CTIF: variants seen among roughly 807,000 people sequenced by gnomAD.
CTIF encodes the protein cap binding complex dependent translation initiation factor, also known as CBP80/20-dependent translation initiation factor.
Under a neutral mutation model 66.0 loss-of-function variants are expected in CTIF, and 21 were observed. That is an observed-to-expected ratio of 0.32 (90% confidence interval 0.23 to 0.46). CTIF has a LOEUF of 0.46. Among genes scored for constraint, CTIF ranks in the 20% least tolerant of loss-of-function variants. CTIF has a pLI of 1.00. For missense variants in CTIF, 739 were observed against 812.7 expected (o/e 0.91, Z 1.10); for synonymous variants, 345 against 326.4 (o/e 1.06, Z -0.62).
At chr18:48,542,047 A>T (rs968780708) in intron 1 of CTIF, among the ~76,000 whole-genome samples, 5 of 152,194 alleles carry the variant, frequency 3.3e-5, no homozygotes, top group African/African-American at 1.2e-4. Context: ...TGGATTCTTG[A>T]CACCTCAGGA....
chr18:48,715,420 A>G (rs1433617015), intron 7 of CTIF, among the ~76,000 whole-genome samples: 1 of 152,206 alleles, frequency 6.6e-6, no homozygotes, highest in African/African-American at 2.4e-5. Context: ...TGAGTGTTCC[A>G]CGCGTTCCTC....
chr18:48,647,775 G>A (rs1406368800), intron 3 of CTIF, among the ~76,000 whole-genome samples: 1 of 150,954 alleles, frequency 6.6e-6, no homozygotes, highest in African/African-American at 2.4e-5. Context: ...CCCACCTCAT[G>A]GCTCTTAGAA....
At chr18:48,573,301 C>T (rs2089460089) in intron 1 of CTIF, among the ~76,000 whole-genome samples, 2 of 152,168 alleles carry the variant, frequency 1.3e-5, no homozygotes, top group South Asian at 4.2e-4. Context: ...GCCAGCAGAG[C>T]ACGGGACATC....
chr18:48,757,910 C>T lies in CTIF; in HGVS notation c.585-9C>T, dbSNP rs199863750. On this transcript the variant is annotated splice_polypyrimidine_tract_variant and intron_variant, in intron 7 of 11. Transcript: ENST00000256413. ...ATCGCCTTCTCTGTCTTTCCTCTTC[C>T]GTTTGCAGGCGGCAGCAGAGACCTC... 2.7e-4 allele frequency: 434 copies of T among 1,605,464 alleles called. 3 individuals carry two copies. Among genetic ancestry groups the T allele is most frequent in the Middle Eastern group, 5.0e-4 (3 of 6,016 alleles).
chr18:48,631,749 T>C (rs2090719976), intron 2 of CTIF, among the ~76,000 whole-genome samples: 1 of 152,158 alleles, frequency 6.6e-6, no homozygotes, highest in African/African-American at 2.4e-5. Flanking sequence ...ATCGTTCCCA[T>C]ATCTAACAAA....
intron 1 of CTIF, among the ~76,000 whole-genome samples, chr18:48,608,355 A>G (rs1320950214): frequency 6.6e-6 from 1 of 152,180 alleles, no homozygotes; most frequent in Non-Finnish European, 1.5e-5. Flanking sequence ...CGTTAGCTCA[A>G]ATATTTTTAA....
chr18:48,815,916 TC>T (rs34363820), intron 9 of CTIF, among the ~76,000 whole-genome samples: 19,750 of 152,200 alleles, frequency 0.13, 1,345 homozygotes, highest in Admixed American at 0.18. Context: ...TCTTGGAGTC[TC>T]CCCTTTCCAT....
chr18:48,693,375 C>T (rs890824932), intron 6 of CTIF, among the ~76,000 whole-genome samples: 4 of 152,206 alleles, frequency 2.6e-5, no homozygotes, highest in African/African-American at 9.7e-5. Context: ...GTAGACTCGC[C>T]TGGGGAGCTT....
chr18:48,683,833 T>G lies in CTIF; in HGVS notation c.507+13089T>G, dbSNP rs146999645. On this transcript the variant is annotated intron_variant, in intron 6 of 11. Transcript: ENST00000256413. ...GGAGGGTAAATGGTGGCTCCTTGTC[T>G]GCTGAGACAAGCGTGGCACCACTGT... is the stretch of plus-strand genomic sequence containing the variant. Among the ~76,000 whole-genome samples the G allele has an allele frequency of 1.2e-4, 18 of 152,346 alleles. No individual in the cohort carries two copies. The East Asian group carries it at 3.5e-3, about 29-fold the overall frequency.
chr18:48,550,922 C>A (rs571089886), intron 1 of CTIF, among the ~76,000 whole-genome samples: 4 of 152,174 alleles, frequency 2.6e-5, no homozygotes, highest in South Asian at 2.1e-4. Context: ...CTGCACAGTG[C>A]CCTGGACGAG....
At chr18:48,653,363 C>T (rs914161637) in intron 3 of CTIF, among the ~76,000 whole-genome samples, 4 of 152,180 alleles carry the variant, frequency 2.6e-5, no homozygotes, top group African/African-American at 9.7e-5. Context: ...CGTGAGTGAA[C>T]TCCCATTCAC....
intron 6 of CTIF, among the ~76,000 whole-genome samples, chr18:48,700,951 G>C (rs2092076946): frequency 6.6e-6 from 1 of 152,202 alleles, no homozygotes; most frequent in Non-Finnish European, 1.5e-5. Context: ...GTTCTATGAT[G>C]GTCTTTGAAC....
At chr18:48,704,853 A>C (rs1388983529) in intron 6 of CTIF, among the ~76,000 whole-genome samples, 2 of 152,202 alleles carry the variant, frequency 1.3e-5, no homozygotes, top group African/African-American at 4.8e-5. Context: ...TCAACCCATG[A>C]CATCATCCAG....
At chr18:48,791,879 G>A (rs966102554) in intron 9 of CTIF, among the ~76,000 whole-genome samples, 11 of 152,082 alleles carry the variant, frequency 7.2e-5, no homozygotes, top group African/African-American at 2.4e-4. Flanking sequence ...TCATCTCTTG[G>A]GTCTGTTCCT....
At chr18:48,625,179 T>G in intron 2 of CTIF, 1 of 983,448 alleles carries the variant, frequency 1.0e-6, no homozygotes, top group Non-Finnish European at 1.2e-6. Flanking sequence ...CCTGATGTCT[T>G]TGCTCACAGG....
At chr18:48,776,316 C>T (rs1910668064) in intron 9 of CTIF, among the ~76,000 whole-genome samples, 1 of 152,240 alleles carries the variant, frequency 6.6e-6, no homozygotes, top group South Asian at 2.1e-4. Context: ...AGATGGGCGC[C>T]CACCGCCCAA....
intron 7 of CTIF, among the ~76,000 whole-genome samples, chr18:48,722,602 A>C (rs903875109): frequency 4.0e-5 from 6 of 151,628 alleles, no homozygotes; most frequent in African/African-American, 1.5e-4. Flanking sequence ...GTTGGTGCTC[A>C]CAGGTGTAAG....
rs184655739 is a variant in CTIF, at chr18:48,678,942, G to A, written c.507+8198G>A. Among the ~76,000 whole-genome samples, 490 of 152,300 alleles carry A rather than the reference G, an allele frequency of 3.2e-3. 2 individuals are homozygous for A. The highest frequency in any genetic ancestry group is 0.013 in the South Asian group (64 of 4,824). On this transcript the variant is annotated intron_variant, in intron 6 of 11. Coordinates refer to ENST00000256413, the MANE Select transcript of CTIF (RefSeq NM_014772.3). ...TTTGCAAATAAAGTTTTATCAAAAC[G>A]CAGCCACACCCATTCACTTGCTTCC...
At chr18:48,837,410 G>T (rs1032575996) in intron 10 of CTIF, among the ~76,000 whole-genome samples, 1 of 152,032 alleles carries the variant, frequency 6.6e-6, no homozygotes, top group Non-Finnish European at 1.5e-5. Context: ...CAAATTCTCA[G>T]TGCTGCAGGA....
Sources: gnomAD v4.1 joint callset for allele counts (sites outside exome capture counted in the v4.1 genomes callset) on GRCh38, gnomAD v4.1.1 for gene constraint, MANE v1.5 for transcripts, NCBI Gene and HGNC (gene_info 2026-07-23, HGNC 2026-07-21) for gene names.